Variants in RAPGEF5 observed in about 807,000 individuals in gnomAD.
The protein encoded by RAPGEF5 is M-Ras-regulated GEF.
RAPGEF5 carries 65 observed loss-of-function variants against 125.2 expected under a neutral mutation model. The observed-to-expected ratio is 0.52, with a 90% CI of 0.43 to 0.64. The LOEUF is 0.64. Ranked by LOEUF, RAPGEF5 falls within the 30% of genes least tolerant of loss-of-function variation. The pLI is 0.00. For synonymous variants in RAPGEF5, 391 were observed against 385.9 expected (o/e 1.01, Z -0.16); for missense variants, 958 against 1,048.1 (o/e 0.91, Z 1.19).
intron 11 of RAPGEF5, among the ~76,000 whole-genome samples, chr7:22,177,639 C>T (rs1475138836): frequency 6.6e-6 from 1 of 152,246 alleles, no homozygotes; most frequent in Non-Finnish European, 1.5e-5. Flanking sequence ...ACACTAAGGG[C>T]TTTACCTACA....
intron 6 of RAPGEF5, among the ~76,000 whole-genome samples, chr7:22,269,088 A>C: frequency 6.6e-6 from 1 of 151,808 alleles, no homozygotes; most frequent in Non-Finnish European, 1.5e-5. Flanking sequence ...ACATCAACTG[A>C]ACCTCTGCCA....
At chr7:22,257,401 T>C (rs989315068) in intron 7 of RAPGEF5, among the ~76,000 whole-genome samples, 3 of 152,234 alleles carry the variant, frequency 2.0e-5, no homozygotes, top group East Asian at 3.8e-4. Context: ...ATAAGAAGTT[T>C]ACCTTTCTCT....
At chr7:22,356,094 G>A in intron 1 of RAPGEF5, 1 of 985,410 alleles carries the variant, frequency 1.0e-6, no homozygotes, top group Non-Finnish European at 1.2e-6. Context: ...ACAATCAGCA[G>A]ACCTTCCTGC....
At chr7:22,305,121 A>G (rs1220214752) in intron 5 of RAPGEF5, among the ~76,000 whole-genome samples, 1 of 152,236 alleles carries the variant, frequency 6.6e-6, no homozygotes, top group Non-Finnish European at 1.5e-5. Flanking sequence ...TTCAAACACT[A>G]AAACTCCACT....
intron 20 of RAPGEF5, among the ~76,000 whole-genome samples, chr7:22,143,930 TG>T (rs2128104882): frequency 6.6e-6 from 1 of 152,386 alleles, no homozygotes; most frequent in East Asian, 1.9e-4. Context: ...CATCTGTACA[TG>T]TAAGTGATCA....
In RAPGEF5 at chr7:22,200,397, G is replaced by T. The variant is rs139015218; in HGVS notation, c.997-6364C>A. ...GATTAAGTTAGCAGATGTATGTCAA[G>T]GTGAGCCACTTAGACTCACCCGACC... is the stretch of plus-strand genomic sequence containing the variant. On this transcript the variant is annotated intron_variant, in intron 9 of 25. Coordinates refer to ENST00000665637, the MANE Select transcript of RAPGEF5 (RefSeq NM_012294.5). Among the ~76,000 whole-genome samples, 746 of 152,216 alleles carry T rather than the reference G, an allele frequency of 4.9e-3. 3 individuals carry two copies. Among genetic ancestry groups the T allele is most frequent in the Admixed American group, 7.4e-3 (113 of 15,286 alleles).
intron 6 of RAPGEF5, among the ~76,000 whole-genome samples, chr7:22,281,587 G>A (rs1782674828): frequency 6.6e-6 from 1 of 152,158 alleles, no homozygotes; most frequent in Non-Finnish European, 1.5e-5. Context: ...TTCTCAAACT[G>A]AAGAATTCCA....
chr7:22,268,075 G>A (rs1191330394), intron 6 of RAPGEF5, among the ~76,000 whole-genome samples: 1 of 152,182 alleles, frequency 6.6e-6, no homozygotes, highest in Admixed American at 6.5e-5. Flanking sequence ...TATCACCCCT[G>A]CAGAAGGCAG....
At chr7:22,166,366 G>A (rs536677769) in intron 12 of RAPGEF5, among the ~76,000 whole-genome samples, 3 of 152,196 alleles carry the variant, frequency 2.0e-5, no homozygotes, top group South Asian at 2.1e-4. Context: ...CTTAAAATGC[G>A]TCTGAATACA....
intron 6 of RAPGEF5, among the ~76,000 whole-genome samples, chr7:22,289,721 C>T (rs1043302266): frequency 3.9e-5 from 6 of 152,182 alleles, no homozygotes; most frequent in African/African-American, 7.2e-5. Flanking sequence ...CTTTGAGTCC[C>T]ATCCAAATCT....
intron 11 of RAPGEF5, among the ~76,000 whole-genome samples, chr7:22,184,170 T>A (rs1398503313): frequency 6.6e-6 from 1 of 152,242 alleles, no homozygotes. Context: ...AATGTCTTAT[T>A]TTCTAGTTTA....
chr7:22,228,060 C>A (rs1489033530), intron 8 of RAPGEF5, among the ~76,000 whole-genome samples: 1 of 152,122 alleles, frequency 6.6e-6, no homozygotes, highest in Non-Finnish European at 1.5e-5. Context: ...ATATTCCAAC[C>A]AAAAAGCAAT....
intron 16 of RAPGEF5, 68 bp downstream of exon 16, chr7:22,156,742 C>T: frequency 6.2e-7 from 1 of 1,604,810 alleles, no homozygotes; most frequent in Non-Finnish European, 8.5e-7. Flanking sequence ...GGCTGATATG[C>T]CAATGTAGGA....
intron 1 of RAPGEF5, among the ~76,000 whole-genome samples, chr7:22,333,697 G>T (rs1783969326): frequency 6.6e-6 from 1 of 151,416 alleles, no homozygotes; most frequent in Admixed American, 6.6e-5. Context: ...TGACTTGGTG[G>T]GATTTGCGCG....
chr7:22,129,995 A>G (rs1474854965), intron 24 of RAPGEF5, among the ~76,000 whole-genome samples: 1 of 152,090 alleles, frequency 6.6e-6, no homozygotes, highest in Non-Finnish European at 1.5e-5. Flanking sequence ...ATCAGTTCCT[A>G]CCGTTCTTTG....
chr7:22,151,621 C>T (rs1249320079), intron 17 of RAPGEF5, among the ~76,000 whole-genome samples: 4 of 151,924 alleles, frequency 2.6e-5, no homozygotes, highest in African/African-American at 7.3e-5. Flanking sequence ...CCTGCTACCA[C>T]GCCTGGCTAA....
intron 2 of RAPGEF5, among the ~76,000 whole-genome samples, chr7:22,316,485 ATATATTTTTTTTT>A (rs1783600197): frequency 3.4e-5 from 1 of 29,598 alleles, no homozygotes; most frequent in Admixed American, 4.3e-4. Context: ...ATATATATAT[ATATATTTTTTTTT>A]TTTTTTTTTT....
intron 6 of RAPGEF5, among the ~76,000 whole-genome samples, chr7:22,285,927 A>G (rs990861837): frequency 1.3e-5 from 2 of 152,244 alleles, no homozygotes; most frequent in Non-Finnish European, 2.9e-5. Flanking sequence ...CCATACAAAT[A>G]GAAACATCTA....
chr7:22,328,628 C>T (rs572126030), intron 1 of RAPGEF5, among the ~76,000 whole-genome samples: 2 of 152,312 alleles, frequency 1.3e-5, no homozygotes, highest in African/African-American at 2.4e-5. Context: ...ACATCTGTTA[C>T]CAACTCAAAG....
Sources: gnomAD v4.1 joint callset for allele counts (sites outside exome capture counted in the v4.1 genomes callset) on GRCh38, gnomAD v4.1.1 for gene constraint, MANE v1.5 for transcripts, NCBI Gene and HGNC (gene_info 2026-07-23, HGNC 2026-07-21) for gene names.